Variants in TMEM163 observed in about 807,000 individuals in gnomAD.
The protein encoded by TMEM163 is transmembrane protein 163.
Under a neutral mutation model 29.3 loss-of-function variants are expected in TMEM163, and 17 were observed. The ratio of observed to expected loss-of-function variants is 0.58; its 90% CI spans 0.40 to 0.87. The LOEUF is 0.87. Among genes scored for constraint, TMEM163 ranks in the 40% least tolerant of loss-of-function variants. TMEM163 has a pLI of 0.00. For synonymous variants in TMEM163, 157 were observed against 160.6 expected, an observed-to-expected ratio of 0.98 and a Z score of 0.17; for missense variants, 303 against 381.5, an observed-to-expected ratio of 0.79 and a Z score of 1.71.
intron 2 of TMEM163, among the ~76,000 whole-genome samples, chr2:134,624,449 G>C (rs1193228799): frequency 1.3e-5 from 2 of 152,062 alleles, no homozygotes; most frequent in Non-Finnish European, 2.9e-5. Context: ...ACACACACTG[G>C]GATCTATGGA....
intron 2 of TMEM163, among the ~76,000 whole-genome samples, chr2:134,587,582 G>C (rs1008852325): frequency 7.9e-5 from 12 of 152,292 alleles, no homozygotes; most frequent in African/African-American, 2.4e-4. Context: ...ACCCAGACAC[G>C]TGGTTCAATC....
intron 1 of TMEM163, 67 bp downstream of exon 1, chr2:134,718,667 G>T (rs1685093071): frequency 4.6e-6 from 5 of 1,077,582 alleles, no homozygotes; most frequent in Non-Finnish European, 5.7e-6. Flanking sequence ...CGCGGCCCGC[G>T]AGTGGGGAGA....
chr2:134,702,495 A>G (rs1684724753), intron 2 of TMEM163, among the ~76,000 whole-genome samples: 7 of 151,986 alleles, frequency 4.6e-5, no homozygotes. Flanking sequence ...AAATTCCAAA[A>G]TTAGCCGGGC....
intron 5 of TMEM163, chr2:134,469,832 C>G (rs1686755633): frequency 6.6e-6 from 1 of 152,430 alleles, no homozygotes; most frequent in Admixed American, 6.5e-5. Context: ...GGGTCACGTA[C>G]AGGTCCAGGC....
At chr2:134,466,303 T>A (rs1686668334) in intron 5 of TMEM163, 78 bp from the exon 6 acceptor site, 1 of 1,202,858 alleles carries the variant, frequency 8.3e-7, no homozygotes, top group African/African-American at 1.5e-5. Flanking sequence ...GCCTTACAGA[T>A]CAGCCTTGTT....
chr2:134,662,170 C>T (rs978552602), intron 2 of TMEM163, among the ~76,000 whole-genome samples: 3 of 151,952 alleles, frequency 2.0e-5, no homozygotes, highest in Admixed American at 6.6e-5. Flanking sequence ...CTCCTGACCT[C>T]GTGATCCGCC....
At chr2:134,680,206 G>A (rs1684200161) in intron 2 of TMEM163, among the ~76,000 whole-genome samples, 1 of 151,866 alleles carries the variant, frequency 6.6e-6, no homozygotes, top group Non-Finnish European at 1.5e-5. Flanking sequence ...TCTTAAATGA[G>A]GTCTTAAGAG....
chr2:134,650,171 A>G (rs951900152), intron 2 of TMEM163, among the ~76,000 whole-genome samples: 3 of 152,102 alleles, frequency 2.0e-5, no homozygotes, highest in Non-Finnish European at 4.4e-5. Flanking sequence ...ATGCTTTAGT[A>G]TGTATATGTA....
At chr2:134,683,389 C>T (rs559273661) in intron 2 of TMEM163, among the ~76,000 whole-genome samples, 4 of 150,674 alleles carry the variant, frequency 2.7e-5, no homozygotes, top group Non-Finnish European at 5.9e-5. Flanking sequence ...CTCACATTTG[C>T]TGTGAACCTA....
At chr2:134,502,500 C>T (rs503562) in intron 5 of TMEM163, among the ~76,000 whole-genome samples, 94,643 of 152,046 alleles carry the variant, frequency 0.62, 31,744 homozygotes, top group East Asian at 0.96. Context: ...AGATTTATGA[C>T]TGAATTGAGG....
intron 4 of TMEM163, among the ~76,000 whole-genome samples, chr2:134,543,068 C>T (rs549122742): frequency 1.1e-4 from 17 of 152,196 alleles, no homozygotes; most frequent in South Asian, 2.1e-4. Context: ...CACATTCTTC[C>T]GTACTGGGGG....
At chr2:134,649,785 G>A (rs6752634) in intron 2 of TMEM163, among the ~76,000 whole-genome samples, 75,439 of 151,456 alleles carry the variant, frequency 0.5, 19,511 homozygotes, top group Non-Finnish European at 0.56. Flanking sequence ...AGGCTGAAGC[G>A]GGTGTACTGC....
intron 2 of TMEM163, among the ~76,000 whole-genome samples, chr2:134,585,474 T>A (rs1191969484): frequency 3.3e-5 from 5 of 152,160 alleles, no homozygotes; most frequent in African/African-American, 9.7e-5. Flanking sequence ...CCGAGTGGGG[T>A]GGCTCACGCC....
In TMEM163 at chr2:134,552,986, C is replaced by T. The variant is rs1431191702; in HGVS notation, c.323-895G>A. ...TGATCCATATTTTTAAATTGGAGGA[C>T]GTCAATTGGGTAGCACTTTTTCCTA... On this transcript the variant is annotated intron_variant, in intron 2 of 7. Coordinates refer to ENST00000281924, the MANE Select transcript of TMEM163 (RefSeq NM_030923.5). Among the ~76,000 whole-genome samples the T allele has an allele frequency of 6.6e-5, 10 of 152,172 alleles. No individual in the cohort carries two copies. In the South Asian group the frequency reaches 1.7e-3, roughly 25 times the overall value.
intron 2 of TMEM163, among the ~76,000 whole-genome samples, chr2:134,625,579 A>G (rs1682831792): frequency 6.6e-6 from 1 of 152,202 alleles, no homozygotes; most frequent in African/African-American, 2.4e-5. Flanking sequence ...TGTGATTCTG[A>G]CTTCCTTCTT....
chr2:134,681,485 C>T (rs1174978625), intron 2 of TMEM163, among the ~76,000 whole-genome samples: 2 of 152,174 alleles, frequency 1.3e-5, no homozygotes, highest in Non-Finnish European at 2.9e-5. Flanking sequence ...CCACAGCGTA[C>T]ACACACAAAA....
At chr2:134,696,268 C>T (rs1338980549) in intron 2 of TMEM163, among the ~76,000 whole-genome samples, 1 of 152,118 alleles carries the variant, frequency 6.6e-6, no homozygotes, top group African/African-American at 2.4e-5. Flanking sequence ...TTCTGGACTC[C>T]CTATTCAACT....
chr2:134,594,519 A>G (rs2104804759), intron 2 of TMEM163, among the ~76,000 whole-genome samples: 1 of 152,316 alleles, frequency 6.6e-6, no homozygotes, highest in Non-Finnish European at 1.5e-5. Flanking sequence ...GCTGCCTGTC[A>G]CTGTGCCCTC....
chr2:134,579,294 A>T (rs892171611), intron 2 of TMEM163, among the ~76,000 whole-genome samples: 1 of 152,194 alleles, frequency 6.6e-6, no homozygotes, highest in African/African-American at 2.4e-5. Context: ...TCTTTCACGA[A>T]GTTCGTTTGT....
Sources: gnomAD v4.1 joint callset for allele counts (sites outside exome capture counted in the v4.1 genomes callset) on GRCh38, gnomAD v4.1.1 for gene constraint, MANE v1.5 for transcripts, NCBI Gene and HGNC (gene_info 2026-07-23, HGNC 2026-07-21) for gene names.